Variants in NRG3 observed in about 807,000 individuals in gnomAD.
NRG3 encodes the protein neuregulin 3.
A neutral mutation model predicts 66.9 loss-of-function variants in NRG3; 31 were observed. The observed-to-expected ratio is 0.46, with a 90% CI of 0.35 to 0.63. The LOEUF (loss-of-function observed/expected upper bound fraction) is 0.63, where lower values mean the gene tolerates loss of function less well. NRG3 is among the 20% of genes least tolerant of loss of function. The pLI is 0.00. For missense variants in NRG3, 910 were observed against 878.9 expected, an observed-to-expected ratio of 1.04 and a Z score of -0.45; for synonymous variants, 393 against 359.4, an observed-to-expected ratio of 1.09 and a Z score of -1.06.
Position 82,740,181 on chromosome 10 carries a change from T to TTTCCTCCC in NRG3, c.1027+1546_1027+1553dup, listed in dbSNP as rs925210175. 5.3e-5 allele frequency among the ~76,000 whole-genome samples: 8 copies of TTTCCTCCC among 151,538 alleles called. No homozygotes were observed. In the South Asian group the frequency reaches 1.7e-3, roughly 32 times the overall value. ...CTTCCTCCCTCTTTCCCTTTCCCCC[T>TTTCCTCCC]TTCCTCCCTTCCTCCCTTCCTCTCT... On this transcript the variant is annotated intron_variant, in intron 3 of 8. Coordinates refer to ENST00000372141, the MANE Select transcript of NRG3 (RefSeq NM_001010848.4).
intron 2 of NRG3, among the ~76,000 whole-genome samples, chr10:82,579,545 G>A (rs1214899070): frequency 6.6e-6 from 1 of 151,882 alleles, no homozygotes; most frequent in South Asian, 2.1e-4. Context: ...ATGTGCGTTT[G>A]CGTGTGGTTG....
intron 4 of NRG3, among the ~76,000 whole-genome samples, chr10:82,928,394 T>C (rs906898353): frequency 1.1e-4 from 16 of 152,226 alleles, no homozygotes; most frequent in African/African-American, 3.1e-4. Context: ...TTTGGTGTTT[T>C]AGTCATGAAG....
intron 1 of NRG3, among the ~76,000 whole-genome samples, chr10:82,166,500 A>C (rs972716217): frequency 2.6e-5 from 4 of 151,750 alleles, no homozygotes; most frequent in African/African-American, 9.7e-5. Flanking sequence ...AAGTTTTTTC[A>C]TTTTGCCTCT....
intron 1 of NRG3, among the ~76,000 whole-genome samples, chr10:82,184,271 G>A (rs1202633712): frequency 1.3e-5 from 2 of 152,136 alleles, no homozygotes; most frequent in Admixed American, 1.3e-4. Flanking sequence ...CAAATCAGCT[G>A]CTTAGTTGAG....
chr10:81,875,869 G>C lies in NRG3; in HGVS notation c.529G>C (p.Ala177Pro), dbSNP rs765877820. The C allele has an allele frequency of 3.4e-5, 54 of 1,610,458 alleles. 1 individual carries two copies. In the Middle Eastern group the frequency reaches 1.2e-3, roughly 34 times the overall value. Residue 177 changes from alanine to proline, a missense_variant, in exon 1 of 9, where the codon GCC (alanine) becomes CCC (proline). Coordinates refer to ENST00000372141, the MANE Select transcript of NRG3 (RefSeq NM_001010848.4). This position sits in a 1 kb window ranked among gnomAD's most constrained non-coding sequence, Gnocchi z 5.3. Reference protein sequence around the residue: ...RFPGHRVPIRASPRSTTARNT... With the variant: ...RFPGHRVPIRPSPRSTTARNT... ...CCCCGGGCACCGGGTGCCCATCCGG[G>C]CCAGCCCGCGCTCCACCACAGCACG...
chr10:82,493,503 A>G (rs535261730), intron 2 of NRG3, among the ~76,000 whole-genome samples: 58 of 152,198 alleles, frequency 3.8e-4, no homozygotes, highest in African/African-American at 1.4e-3. Context: ...GTGTATATGT[A>G]CCACATTTTC....
At chr10:82,389,739 A>T (rs1298012374) in intron 2 of NRG3, among the ~76,000 whole-genome samples, 4 of 152,208 alleles carry the variant, frequency 2.6e-5, no homozygotes, top group African/African-American at 9.7e-5. Flanking sequence ...ACATGTATAT[A>T]TGGGTAGTTT....
intron 2 of NRG3, among the ~76,000 whole-genome samples, chr10:82,521,400 G>C (rs1846163485): frequency 6.6e-6 from 1 of 152,030 alleles, no homozygotes; most frequent in Admixed American, 6.6e-5. Flanking sequence ...CAGTGCAGTG[G>C]TGTGATCTCG....
At chr10:82,863,045 G>A (rs761906163) in intron 3 of NRG3, among the ~76,000 whole-genome samples, 15 of 152,080 alleles carry the variant, frequency 9.9e-5, no homozygotes, top group Non-Finnish European at 1.8e-4. Context: ...AGTGTGTGAT[G>A]TTCGCCTCCC....
chr10:82,208,808 T>A (rs1230417418), intron 1 of NRG3, among the ~76,000 whole-genome samples: 1 of 152,170 alleles, frequency 6.6e-6, no homozygotes, highest in Non-Finnish European at 1.5e-5. Context: ...ACTGCTACCA[T>A]GGCTCATTAG....
chr10:82,408,778 GA>G (rs1382429092), intron 2 of NRG3, among the ~76,000 whole-genome samples: 1 of 151,790 alleles, frequency 6.6e-6, no homozygotes, highest in Non-Finnish European at 1.5e-5. Flanking sequence ...TAACGCAAGA[GA>G]GAGGAAGTCA....
chr10:82,444,439 A>G (rs1309397574), intron 2 of NRG3, among the ~76,000 whole-genome samples: 1 of 152,208 alleles, frequency 6.6e-6, no homozygotes. Flanking sequence ...GAAAAGAAGA[A>G]GTTGGGATAA....
At chr10:82,097,375 C>T (rs1564558655) in intron 1 of NRG3, among the ~76,000 whole-genome samples, 1 of 139,230 alleles carries the variant, frequency 7.2e-6, no homozygotes, top group African/African-American at 3.0e-5. Flanking sequence ...TGGTTACACA[C>T]ACACACACAC....
At chr10:82,789,701 G>T (rs543660845) in intron 3 of NRG3, among the ~76,000 whole-genome samples, 1 of 152,168 alleles carries the variant, frequency 6.6e-6, no homozygotes, top group Non-Finnish European at 1.5e-5. Context: ...GACAAGTCAG[G>T]ATTTACTTCT....
At chr10:82,097,639 A>G (rs1215142715) in intron 1 of NRG3, among the ~76,000 whole-genome samples, 2 of 151,878 alleles carry the variant, frequency 1.3e-5, no homozygotes, top group African/African-American at 4.8e-5. Flanking sequence ...CTAGGAGTGG[A>G]ATTGCTGGGT....
chr10:82,279,097 C>T (rs1243275819), intron 1 of NRG3, among the ~76,000 whole-genome samples: 1 of 152,148 alleles, frequency 6.6e-6, no homozygotes, highest in East Asian at 1.9e-4. Flanking sequence ...CTGACAGAAC[C>T]TAACTCAATG....
At chr10:82,204,002 T>A (rs981157289) in intron 1 of NRG3, among the ~76,000 whole-genome samples, 1 of 152,194 alleles carries the variant, frequency 6.6e-6, no homozygotes, top group African/African-American at 2.4e-5. Flanking sequence ...GTAAATAAAA[T>A]GCATCAAGAG....
intron 1 of NRG3, among the ~76,000 whole-genome samples, chr10:82,008,686 C>G (rs1249693238): frequency 2.0e-5 from 3 of 152,070 alleles, no homozygotes; most frequent in African/African-American, 7.2e-5. Context: ...CTGGTAGTCT[C>G]TTTATTTTGA....
intron 2 of NRG3, among the ~76,000 whole-genome samples, chr10:82,421,182 TA>T (rs2089039937): frequency 1.3e-5 from 2 of 152,102 alleles, no homozygotes; most frequent in Non-Finnish European, 2.9e-5. Context: ...ATAAAATAAA[TA>T]AGTATTAACA....
Sources: allele counts gnomAD v4.1 joint callset (sites outside exome capture counted in the v4.1 genomes callset), GRCh38; gene constraint gnomAD v4.1.1; non-coding constraint Gnocchi (gnomAD v3.1); transcripts MANE v1.5; gene names NCBI Gene and HGNC (gene_info 2026-07-23, HGNC 2026-07-21).